The following SNX24 variants were observed in gnomAD, a reference collection of about 807,000 sequenced individuals.
The protein encoded by SNX24 is sorting nexin-24.
SNX24 carries 22 observed loss-of-function variants against 28.7 expected under a neutral mutation model. That is an observed-to-expected ratio of 0.77 (90% confidence interval 0.55 to 1.10). The LOEUF (loss-of-function observed/expected upper bound fraction) is 1.10. Ranked by LOEUF, SNX24 falls within the 50% of genes least tolerant of loss-of-function variation. The probability of loss-of-function intolerance (pLI) is 0.00; values close to 1 mark genes in which losing one functional copy is unlikely to be tolerated. For synonymous variants in SNX24, 69 were observed against 71.5 expected, an observed-to-expected ratio of 0.96 and a Z score of 0.18; for missense variants, 221 against 201.1, an observed-to-expected ratio of 1.10 and a Z score of -0.60.
At chr5:122,862,091 G>A (rs1458136872) in intron 1 of SNX24, among the ~76,000 whole-genome samples, 1 of 152,206 alleles carries the variant, frequency 6.6e-6, no homozygotes, top group African/African-American at 2.4e-5. Flanking sequence ...GAAAGGGAGG[G>A]AAATCATTTT....
chr5:122,933,884 G>A (rs1759070723), intron 1 of SNX24, among the ~76,000 whole-genome samples: 1 of 151,442 alleles, frequency 6.6e-6, no homozygotes, highest in African/African-American at 2.4e-5. Flanking sequence ...CTGGGTTCAA[G>A]CGATTCTCCT....
At chr5:122,942,400 GA>G (rs1324317177) in intron 2 of SNX24, among the ~76,000 whole-genome samples, 1 of 152,248 alleles carries the variant, frequency 6.6e-6, no homozygotes, top group Non-Finnish European at 1.5e-5. Flanking sequence ...AGGGAACCCT[GA>G]GGAAGTAGCG....
intron 1 of SNX24, among the ~76,000 whole-genome samples, chr5:122,855,306 G>A (rs1399449367): frequency 1.3e-5 from 2 of 152,088 alleles, no homozygotes; most frequent in African/African-American, 2.4e-5. Flanking sequence ...CTGACCTCGT[G>A]ATCTGCTCGC....
chr5:122,989,661 C>T (rs576727603), intron 3 of SNX24, among the ~76,000 whole-genome samples: 10 of 152,032 alleles, frequency 6.6e-5, no homozygotes, highest in Non-Finnish European at 1.5e-4. Flanking sequence ...AATTGGTATT[C>T]CATTAGTAAA....
intron 1 of SNX24, among the ~76,000 whole-genome samples, chr5:122,890,615 G>A (rs563921081): frequency 2.0e-5 from 3 of 151,684 alleles, no homozygotes; most frequent in South Asian, 2.1e-4. Context: ...AATTACAGGC[G>A]CCCGCCACCA....
intron 5 of SNX24, among the ~76,000 whole-genome samples, chr5:123,027,483 C>T (rs1250954581): frequency 6.6e-6 from 1 of 152,186 alleles, no homozygotes; most frequent in Non-Finnish European, 1.5e-5. Flanking sequence ...GATGCCAGCA[C>T]CGAGGGCACG....
intron 3 of SNX24, among the ~76,000 whole-genome samples, chr5:122,949,369 GT>G (rs1215164682): frequency 6.6e-6 from 1 of 151,934 alleles, no homozygotes; most frequent in African/African-American, 2.4e-5. Context: ...TTCAATTTAA[GT>G]AATTTTAGTT....
chr5:122,865,287 A>C (rs532708535), intron 1 of SNX24, among the ~76,000 whole-genome samples: 1 of 152,052 alleles, frequency 6.6e-6, no homozygotes, highest in Non-Finnish European at 1.5e-5. Flanking sequence ...AAGAAAGGCA[A>C]AGTAAAATAA....
intron 1 of SNX24, chr5:122,853,619 T>G (rs1019377612): frequency 8.8e-6 from 3 of 339,000 alleles, no homozygotes; most frequent in South Asian, 2.3e-5. Context: ...TGTTTTAACT[T>G]TTTTTTAGAT....
intron 2 of SNX24, among the ~76,000 whole-genome samples, chr5:122,938,696 T>G (rs1759292894): frequency 1.0e-4 from 1 of 9,932 alleles, no homozygotes; most frequent in African/African-American, 2.0e-3. Flanking sequence ...ATCCCAGCAC[T>G]TTGGGAGGCC....
At chr5:122,929,561 A>C (rs1272859074) in intron 1 of SNX24, among the ~76,000 whole-genome samples, 1 of 152,096 alleles carries the variant, frequency 6.6e-6, no homozygotes, top group Non-Finnish European at 1.5e-5. Context: ...ACTGCACCAA[A>C]TCATAGTACA....
At chr5:123,007,648 C>CT (rs112542774) in intron 6 of SNX24, 34 bp from the exon 7 acceptor site, 8,340 of 1,350,838 alleles carry the variant, frequency 6.2e-3, no homozygotes, top group East Asian at 8.0e-3. Context: ...AGCAGTTTTT[C>CT]TTTTTTTTTT....
intron 1 of SNX24, among the ~76,000 whole-genome samples, chr5:122,879,567 C>T (rs927010879): frequency 6.6e-6 from 1 of 152,308 alleles, no homozygotes; most frequent in South Asian, 2.1e-4. Flanking sequence ...CAGTTTCCCT[C>T]TCTACCACTT....
At chr5:122,872,216 G>C (rs1756011351) in intron 1 of SNX24, among the ~76,000 whole-genome samples, 1 of 151,382 alleles carries the variant, frequency 6.6e-6, no homozygotes, top group Non-Finnish European at 1.5e-5. Flanking sequence ...GATCCCTGCA[G>C]CGCTTTTAAA....
intron 1 of SNX24, among the ~76,000 whole-genome samples, chr5:122,893,257 G>A (rs1053925117): frequency 2.7e-5 from 4 of 147,700 alleles, no homozygotes; most frequent in African/African-American, 7.5e-5. Context: ...CCTTCTAGTC[G>A]GCTCTTGTGT....
At chr5:122,858,668 G>C (rs542737966) in intron 1 of SNX24, among the ~76,000 whole-genome samples, 1 of 152,304 alleles carries the variant, frequency 6.6e-6, no homozygotes, top group African/African-American at 2.4e-5. Flanking sequence ...TCACAAGCTT[G>C]CCAACTGAGT....
At chr5:122,968,283 A>C (rs1760800475) in intron 3 of SNX24, among the ~76,000 whole-genome samples, 1 of 152,236 alleles carries the variant, frequency 6.6e-6, no homozygotes, top group Non-Finnish European at 1.5e-5. Context: ...GGAGGCGGAG[A>C]TTGCAGCAAG....
At chr5:122,971,071 C>T (rs572195320) in intron 3 of SNX24, among the ~76,000 whole-genome samples, 1 of 152,196 alleles carries the variant, frequency 6.6e-6, no homozygotes, top group Non-Finnish European at 1.5e-5. Flanking sequence ...ATCCAAGTCC[C>T]AAAACCTCAA....
intron 1 of SNX24, among the ~76,000 whole-genome samples, chr5:122,893,636 A>G (rs1044656573): frequency 6.6e-6 from 1 of 152,206 alleles, no homozygotes; most frequent in African/African-American, 2.4e-5. Flanking sequence ...CTAGCATTTC[A>G]GCCCAAAACT....
Sources: allele counts gnomAD v4.1 joint callset (sites outside exome capture counted in the v4.1 genomes callset), GRCh38; gene constraint gnomAD v4.1.1; transcripts MANE v1.5; gene names NCBI Gene and HGNC (gene_info 2026-07-23, HGNC 2026-07-21).